The following EML5 variants were observed in gnomAD, a reference collection of about 807,000 sequenced individuals.
The protein encoded by EML5 is EMAP like 5.
A neutral mutation model predicts 250.0 loss-of-function variants in EML5; 120 were observed. The observed-to-expected ratio is 0.48, with a 90% CI of 0.41 to 0.56. The LOEUF is 0.56. Ranked by LOEUF, EML5 falls within the 20% of genes least tolerant of loss-of-function variation. The pLI is 0.00. For missense variants in EML5, 2,006 were observed against 2,437.6 expected (o/e 0.82, Z 3.73); for synonymous variants, 771 against 806.5 (o/e 0.96, Z 0.75).
At chr14:88,634,909 C>T (rs1433728304) in intron 32 of EML5, among the ~76,000 whole-genome samples, 1 of 152,084 alleles carries the variant, frequency 6.6e-6, no homozygotes, top group African/African-American at 2.4e-5. Flanking sequence ...AAAGATTTTC[C>T]GTATGCATCT....
chr14:88,720,661 C>A (rs916474092), intron 8 of EML5, among the ~76,000 whole-genome samples: 1 of 152,142 alleles, frequency 6.6e-6, no homozygotes, highest in East Asian at 1.9e-4. Context: ...AAACCCACAG[C>A]CAATATCATA....
At chr14:88,783,724 A>G (rs970941358) in intron 1 of EML5, among the ~76,000 whole-genome samples, 1 of 152,222 alleles carries the variant, frequency 6.6e-6, no homozygotes, top group African/African-American at 2.4e-5. Context: ...GGAGATTTCA[A>G]CAACCCATTT....
At chr14:88,784,159 G>C (rs2094526894) in intron 1 of EML5, among the ~76,000 whole-genome samples, 2 of 151,982 alleles carry the variant, frequency 1.3e-5, no homozygotes, top group South Asian at 4.2e-4. Flanking sequence ...AATACTCAAA[G>C]GGAAGTTTAA....
chr14:88,624,804 A>G (rs1019425015), intron 36 of EML5, 166 bp downstream of exon 36: 6 of 780,758 alleles, frequency 7.7e-6, no homozygotes, highest in Non-Finnish European at 9.8e-6. Context: ...AAGACCAGAA[A>G]TGAGAATCAA....
chr14:88,713,315 C>G (rs1264675642), intron 9 of EML5, among the ~76,000 whole-genome samples: 1 of 151,878 alleles, frequency 6.6e-6, no homozygotes, highest in Non-Finnish European at 1.5e-5. Flanking sequence ...TCACCTGAAC[C>G]TGGGAGGCAG....
intron 21 of EML5, among the ~76,000 whole-genome samples, chr14:88,666,451 CCT>C (rs978154305): frequency 3.7e-4 from 56 of 152,212 alleles, no homozygotes; most frequent in African/African-American, 1.3e-3. Context: ...GTCCTGAACT[CCT>C]GACCTCAGGT....
At chr14:88,706,235 G>A in intron 11 of EML5, 24 bp downstream of exon 11, 1 of 1,543,078 alleles carries the variant, frequency 6.5e-7, no homozygotes, top group Non-Finnish European at 8.7e-7. Context: ...CAGGGAAACT[G>A]TTTAGCTAAT....
intron 4 of EML5, among the ~76,000 whole-genome samples, chr14:88,741,920 T>C (rs2093930509): frequency 6.6e-6 from 1 of 152,216 alleles, no homozygotes; most frequent in Non-Finnish European, 1.5e-5. Context: ...AAAGATCTAA[T>C]GAGTACTTTA....
chr14:88,768,484 C>A (rs1034568632), intron 1 of EML5, among the ~76,000 whole-genome samples: 1 of 151,900 alleles, frequency 6.6e-6, no homozygotes. Flanking sequence ...AATCTTGGCT[C>A]GCTGCAACTT....
chr14:88,682,115 A>T, intron 20 of EML5, 84 bp from the exon 21 acceptor site: 1 of 1,284,754 alleles, frequency 7.8e-7, no homozygotes, highest in Non-Finnish European at 1.0e-6. Flanking sequence ...TAAAGATACC[A>T]TTCAATAATA....
At chr14:88,626,752 C>T (rs1165577261) in intron 35 of EML5, 86 bp downstream of exon 35, 6 of 1,346,406 alleles carry the variant, frequency 4.5e-6, no homozygotes, top group Non-Finnish European at 6.2e-6. Context: ...ACAGTATCAT[C>T]TCAACAACAT....
At chr14:88,668,338 T>C (rs55670689) in intron 21 of EML5, among the ~76,000 whole-genome samples, 22 of 151,332 alleles carry the variant, frequency 1.5e-4, no homozygotes, top group Non-Finnish European at 1.0e-4. Flanking sequence ...GAAGAAGAGA[T>C]AGCACTAGCA....
intron 33 of EML5, among the ~76,000 whole-genome samples, chr14:88,630,903 G>C (rs929406233): frequency 9.2e-5 from 14 of 152,136 alleles, no homozygotes; most frequent in African/African-American, 3.1e-4. Context: ...AAAGTCCCTG[G>C]GTTCTGGATG....
In EML5 at chr14:88,792,590, G is replaced by A; in HGVS notation, c.-87C>T. 1.7e-5 allele frequency: 20 copies of A among 1,192,028 alleles called. No individual in the cohort carries two copies. Among genetic ancestry groups the A allele is most frequent in the South Asian group, 4.1e-5 (1 of 24,320 alleles). The allele number at this position is 1,192,028 out of a possible 1,614,324, so 73.8% of individuals were successfully genotyped here. The stretch of plus-strand genomic sequence containing the variant: ...CCCGGCAACGAAAGCCCTCCCGCTG[G>A]CTGCCGGGACTTCCCGCCAGCCGCG... On this transcript the variant is annotated 5_prime_UTR_variant, in exon 1 of 44. Coordinates refer to ENST00000554922, the MANE Select transcript of EML5 (RefSeq NM_183387.3). This position sits in a 1 kb window ranked among gnomAD's most constrained non-coding sequence, Gnocchi z 6.9.
At chr14:88,708,665 G>A (rs1423661202) in intron 10 of EML5, among the ~76,000 whole-genome samples, 1 of 152,052 alleles carries the variant, frequency 6.6e-6, no homozygotes, top group Non-Finnish European at 1.5e-5. Flanking sequence ...GTGCCTTAAA[G>A]AATATTAGAA....
At chr14:88,710,856 C>T (rs191970402) in intron 10 of EML5, among the ~76,000 whole-genome samples, 22 of 152,216 alleles carry the variant, frequency 1.4e-4, no homozygotes, top group African/African-American at 4.8e-4. Flanking sequence ...AATATTCACA[C>T]AGCAGTTCAA....
intron 7 of EML5, among the ~76,000 whole-genome samples, chr14:88,732,208 G>T (rs373267038): frequency 5.8e-4 from 88 of 152,204 alleles, no homozygotes; most frequent in African/African-American, 1.9e-3. Context: ...GGTCTAACAT[G>T]TAAGTCTTTA....
intron 4 of EML5, among the ~76,000 whole-genome samples, chr14:88,743,268 T>C (rs970965888): frequency 2.6e-5 from 4 of 152,030 alleles, no homozygotes; most frequent in Non-Finnish European, 5.9e-5. Context: ...AAGGAGGATA[T>C]TGAATGGTCC....
At chr14:88,648,074 T>A (rs2140750869) in intron 28 of EML5, among the ~76,000 whole-genome samples, 1 of 152,270 alleles carries the variant, frequency 6.6e-6, no homozygotes, top group Admixed American at 6.5e-5. Context: ...GTAAAAAAAG[T>A]AATCTTTAAA....
Sources: allele counts gnomAD v4.1 joint callset (sites outside exome capture counted in the v4.1 genomes callset), GRCh38; gene constraint gnomAD v4.1.1; non-coding constraint Gnocchi (gnomAD v3.1); transcripts MANE v1.5; gene names NCBI Gene and HGNC (gene_info 2026-07-23, HGNC 2026-07-21).